The following STX16 variants were observed in gnomAD, a reference collection of about 807,000 sequenced individuals.
STX16 encodes the protein syntaxin-16.
In STX16, 28 loss-of-function variants were observed where a neutral mutation model predicts 42.7. The observed-to-expected ratio is 0.66, with a 90% CI of 0.49 to 0.90. The LOEUF is 0.90. Among genes scored for constraint, STX16 ranks in the 40% least tolerant of loss-of-function variants. The probability of loss-of-function intolerance (pLI) is 0.00; values close to 1 mark genes in which losing one functional copy is unlikely to be tolerated. For synonymous variants in STX16, 156 were observed against 155.2 expected, an observed-to-expected ratio of 1.00 and a Z score of -0.04; for missense variants, 361 against 420.9, an observed-to-expected ratio of 0.86 and a Z score of 1.24.
At position 58,660,938 on chromosome 20, in the gene STX16, TA is replaced by T. The variant is rs1454517893; in HGVS notation, c.144+1316del. Among the ~76,000 whole-genome samples, 207 of 142,300 alleles carry T rather than the reference TA, an allele frequency of 1.5e-3. 1 individual carries two copies. Among genetic ancestry groups the T allele is most frequent in the East Asian group, 9.7e-3 (48 of 4,926 alleles). The allele number at this position is 142,300 out of a possible 152,430, so 93.4% of individuals were successfully genotyped here. A position where few individuals can be genotyped will look rare whatever the true frequency, so the allele number is the denominator to read the frequency against. On this transcript the variant is annotated intron_variant, in intron 2 of 8. Coordinates refer to ENST00000371141, the MANE Select transcript of STX16 (RefSeq NM_001001433.3). The stretch of plus-strand genomic sequence containing the variant: ...TACTTTGCCACTAAAAACAATTAGT[TA>T]AAAAAAAAAAACACCACTCAACGGG...
At chr20:58,672,749 T>C (rs1568829068) in intron 7 of STX16, among the ~76,000 whole-genome samples, 1 of 152,246 alleles carries the variant, frequency 6.6e-6, no homozygotes, top group Non-Finnish European at 1.5e-5. Context: ...ATTCTGACGC[T>C]ATAGAAGATT....
rs2084124883 is a variant in STX16, at chr20:58,676,335, G to A, written c.*44G>A. On this transcript the variant is annotated 3_prime_UTR_variant, in exon 9 of 9. Coordinates refer to ENST00000371141, the MANE Select transcript of STX16 (RefSeq NM_001001433.3). ...GTGTGCCGCGCGTGTGGATCTCCCG[G>A]GTGTGAGGGGCTTGGCCTGCGCCCC... 1 of 1,558,716 alleles carries A rather than the reference G, an allele frequency of 6.4e-7. No individual in the cohort carries two copies. The highest frequency in any genetic ancestry group is 8.9e-7 in the Non-Finnish European group (1 of 1,129,816).
rs557916230 is a variant in STX16, at chr20:58,653,389, T to C, written c.132+1251T>C. ...AGAATGTCTTTGGCCATATAACTGA[T>C]AGAAAAGTCATTTTAAGCCGTGTGA... On this transcript the variant is annotated intron_variant, in intron 1 of 8. Transcript: ENST00000371141. Among the ~76,000 whole-genome samples the C allele has an allele frequency of 1.9e-4, 29 of 152,326 alleles. No homozygotes were observed. In the South Asian group the frequency reaches 5.8e-3, roughly 30 times the overall value.
chr20:58,674,724 T>A (rs2084062914), intron 8 of STX16, among the ~76,000 whole-genome samples: 1 of 152,186 alleles, frequency 6.6e-6, no homozygotes, highest in South Asian at 2.1e-4. Context: ...TATGCAGGGT[T>A]TTTTTAAGCA....
intron 2 of STX16, among the ~76,000 whole-genome samples, chr20:58,660,814 A>G (rs1219272965): frequency 4.0e-5 from 6 of 148,976 alleles, no homozygotes; most frequent in Non-Finnish European, 8.9e-5. Flanking sequence ...AACTGTTAAC[A>G]GTGGATACAC....
intron 1 of STX16, among the ~76,000 whole-genome samples, chr20:58,656,386 T>C (rs1011312969): frequency 6.6e-6 from 1 of 152,232 alleles, no homozygotes; most frequent in African/African-American, 2.4e-5. Context: ...AAGTGCAGGT[T>C]TTAAGGTAGC....
intron 2 of STX16, among the ~76,000 whole-genome samples, chr20:58,662,601 C>A (rs1012069006): frequency 3.3e-5 from 5 of 152,210 alleles, no homozygotes; most frequent in African/African-American, 1.2e-4. Context: ...ACCTCTGCCT[C>A]CCCAGTTCAA....
chr20:58,654,694 G>GT (rs1376823378), intron 1 of STX16, among the ~76,000 whole-genome samples: 2 of 152,110 alleles, frequency 1.3e-5, no homozygotes, highest in Non-Finnish European at 2.9e-5. Flanking sequence ...AAACAAAATC[G>GT]TATCTGTCAA....
At chr20:58,665,954 C>T (rs957231604) in intron 2 of STX16, among the ~76,000 whole-genome samples, 2 of 152,132 alleles carry the variant, frequency 1.3e-5, no homozygotes, top group African/African-American at 4.8e-5. Context: ...GGTGAAGATA[C>T]CAATTTGCTT....
intron 1 of STX16, among the ~76,000 whole-genome samples, chr20:58,658,236 T>C (rs1327241238): frequency 1.3e-5 from 2 of 152,234 alleles, no homozygotes; most frequent in Non-Finnish European, 2.9e-5. Context: ...AAGACTGAGA[T>C]ACTCAAGTTA....
intron 7 of STX16, 146 bp downstream of exon 7, chr20:58,671,443 T>TGG: frequency 7.5e-6 from 3 of 399,154 alleles, no homozygotes; most frequent in Non-Finnish European, 1.3e-5. Context: ...TGTGGGTGTG[T>TGG]GTGTGTGTGT....
chr20:58,667,482 T>A lies in STX16; in HGVS notation c.145-8T>A. On this transcript the variant is annotated splice_region_variant and splice_polypyrimidine_tract_variant and intron_variant, in intron 2 of 8. Coordinates refer to ENST00000371141, the MANE Select transcript of STX16 (RefSeq NM_001001433.3). ...TAATTTTTTTCATGTCCCTTTACTT[T>A]CCTGTAGCTTGCTGATGACCGTATG... 6.2e-7 allele frequency: 1 copy of A among 1,613,442 alleles called. No individual in the cohort carries two copies. The highest frequency in any genetic ancestry group is 8.5e-7 in the Non-Finnish European group (1 of 1,179,472).
chr20:58,654,505 T>G (rs2083544963), intron 1 of STX16, among the ~76,000 whole-genome samples: 1 of 152,222 alleles, frequency 6.6e-6, no homozygotes, highest in African/African-American at 2.4e-5. Context: ...GTTATGATTT[T>G]TTCAACTTTT....
At chr20:58,660,724 T>C (rs1416222604) in intron 2 of STX16, among the ~76,000 whole-genome samples, 1 of 145,796 alleles carries the variant, frequency 6.9e-6, no homozygotes, top group African/African-American at 2.5e-5. Context: ...TTTTTTTTTT[T>C]TTTTTTTTTT....
At chr20:58,669,526 T>C in intron 5 of STX16, 73 bp downstream of exon 5, 3 of 1,509,320 alleles carry the variant, frequency 2.0e-6, no homozygotes, top group Non-Finnish European at 2.7e-6. Flanking sequence ...TTTGCCACTA[T>C]TTTTTCATTT....
intron 7 of STX16, among the ~76,000 whole-genome samples, chr20:58,672,428 A>G (rs1157440097): frequency 3.9e-5 from 6 of 152,012 alleles, no homozygotes; most frequent in Admixed American, 3.9e-4. Context: ...AGAAACATTA[A>G]TGAATTTTGT....
intron 3 of STX16, 67 bp from the exon 4 acceptor site, chr20:58,667,920 T>C: frequency 6.2e-7 from 1 of 1,604,352 alleles, no homozygotes; most frequent in Non-Finnish European, 8.5e-7. Context: ...GTATGCTGAG[T>C]GTAGCTGATG....
At position 58,671,148 on chromosome 20, in the gene STX16, T is replaced by C; in HGVS notation, c.649-6T>C. On this transcript the variant is annotated splice_polypyrimidine_tract_variant and splice_region_variant and intron_variant, in intron 6 of 8. Transcript: ENST00000371141. ...CTATCCAACACATTGTGCACTGTCTTGCTAGGGTTTTACAGAGGACCAGTT... is the reference window on the plus strand; with the variant it reads ...CTATCCAACACATTGTGCACTGTCTCGCTAGGGTTTTACAGAGGACCAGTT... The C allele has an allele frequency of 6.2e-7, 1 of 1,613,190 alleles. No homozygotes were observed. The highest frequency in any genetic ancestry group is 8.5e-7 in the Non-Finnish European group (1 of 1,179,416).
At chr20:58,653,858 T>G (rs966915089) in intron 1 of STX16, among the ~76,000 whole-genome samples, 15 of 151,862 alleles carry the variant, frequency 9.9e-5, no homozygotes, top group Non-Finnish European at 1.9e-4. Context: ...CATGAGGGTT[T>G]TTTTTTTTTT....
Sources: gnomAD v4.1 joint callset for allele counts (sites outside exome capture counted in the v4.1 genomes callset) on GRCh38, gnomAD v4.1.1 for gene constraint, MANE v1.5 for transcripts, NCBI Gene and HGNC (gene_info 2026-07-23, HGNC 2026-07-21) for gene names.